RBFOX1: variants seen among roughly 807,000 people sequenced by gnomAD.
The protein encoded by RBFOX1 is RNA binding fox-1 homolog 1.
A neutral mutation model predicts 57.7 loss-of-function variants in RBFOX1; 8 were observed. The observed-to-expected ratio is 0.14, with a 90% CI of 0.08 to 0.25. The LOEUF is 0.25. Ranked by LOEUF, RBFOX1 falls within the 10% of genes least tolerant of loss-of-function variation. The probability of loss-of-function intolerance (pLI) is 1.00; values close to 1 mark genes in which losing one functional copy is unlikely to be tolerated. For missense variants in RBFOX1, 611 were observed against 548.5 expected, an observed-to-expected ratio of 1.11 and a Z score of -1.14; for synonymous variants, 326 against 222.4, an observed-to-expected ratio of 1.47 and a Z score of -4.15.
chr16:6,903,530 AAT>A (rs1427531140), intron 3 of RBFOX1, among the ~76,000 whole-genome samples: 2 of 152,182 alleles, frequency 1.3e-5, no homozygotes, highest in Non-Finnish European at 2.9e-5. Context: ...GAAGCACTTC[AAT>A]AGGATGTGAG....
chr16:5,862,169 T>C (rs891898011), intron 3 of RBFOX1, among the ~76,000 whole-genome samples: 1 of 152,194 alleles, frequency 6.6e-6, no homozygotes, highest in African/African-American at 2.4e-5. Flanking sequence ...GCTAGACTCC[T>C]TCAGGGTTTG....
chr16:6,421,206 G>C (rs1473828839), intron 2 of RBFOX1, among the ~76,000 whole-genome samples: 1 of 152,184 alleles, frequency 6.6e-6, no homozygotes, highest in Non-Finnish European at 1.5e-5. Context: ...CGTTGGTTGA[G>C]ATTACATCCT....
chr16:6,837,719 C>G (rs80003570), intron 3 of RBFOX1, among the ~76,000 whole-genome samples: 3,838 of 152,218 alleles, frequency 0.025, 156 homozygotes, highest in African/African-American at 0.087. Flanking sequence ...TGTGCAAGTT[C>G]AGATAAACAT....
intron 1 of RBFOX1, among the ~76,000 whole-genome samples, chr16:5,457,249 C>G (rs891452844): frequency 3.3e-5 from 5 of 152,292 alleles, no homozygotes; most frequent in African/African-American, 9.6e-5. Context: ...ATCCTCCTGC[C>G]TCAGCCTCCC....
intron 4 of RBFOX1, among the ~76,000 whole-genome samples, chr16:5,908,043 A>C (rs956963875): frequency 6.7e-6 from 1 of 148,772 alleles, no homozygotes; most frequent in Non-Finnish European, 1.5e-5. Context: ...GAGCCATAGC[A>C]CCTGGTAGAT....
At chr16:5,482,199 C>G (rs764604073) in intron 2 of RBFOX1, among the ~76,000 whole-genome samples, 1 of 152,140 alleles carries the variant, frequency 6.6e-6, no homozygotes, top group Non-Finnish European at 1.5e-5. Context: ...ACCTTTTGTT[C>G]CAGATGAGCC....
chr16:7,691,741 T>C (rs374545807), intron 14 of RBFOX1, among the ~76,000 whole-genome samples: 75 of 152,244 alleles, frequency 4.9e-4, no homozygotes, highest in African/African-American at 1.7e-3. Context: ...TTAGGGAAAA[T>C]TGCAGAAAGG....
chr16:5,508,081 A>G (rs539661333), intron 2 of RBFOX1, among the ~76,000 whole-genome samples: 1 of 152,192 alleles, frequency 6.6e-6, no homozygotes, highest in Non-Finnish European at 1.5e-5. Context: ...CCCCTCTGAC[A>G]TGCTAGTTTT....
intron 2 of RBFOX1, among the ~76,000 whole-genome samples, chr16:6,615,797 C>T (rs1347720198): frequency 6.6e-6 from 1 of 152,102 alleles, no homozygotes; most frequent in Non-Finnish European, 1.5e-5. Flanking sequence ...CCATTAACAG[C>T]AGATGGATGG....
At chr16:6,465,175 T>C (rs2095017042) in intron 2 of RBFOX1, among the ~76,000 whole-genome samples, 1 of 152,204 alleles carries the variant, frequency 6.6e-6, no homozygotes, top group Admixed American at 6.5e-5. Context: ...TTTTTACCCA[T>C]GCAAAGTGGT....
At chr16:6,156,103 C>T (rs1229323232) in intron 1 of RBFOX1, among the ~76,000 whole-genome samples, 5 of 152,178 alleles carry the variant, frequency 3.3e-5, no homozygotes, top group African/African-American at 7.2e-5. Context: ...CTTTGTTTAG[C>T]TAGGATTCAT....
intron 3 of RBFOX1, among the ~76,000 whole-genome samples, chr16:6,924,274 A>G (rs1405389884): frequency 1.3e-5 from 2 of 152,158 alleles, no homozygotes; most frequent in African/African-American, 4.8e-5. Flanking sequence ...CTGTGCAGTT[A>G]TGGCTCCAGC....
chr16:7,710,194 G>GA, intron 15 of RBFOX1: 1 of 1,029,146 alleles, frequency 9.7e-7, no homozygotes, highest in Non-Finnish European at 1.2e-6. Flanking sequence ...GTAAGAAGTA[G>GA]GTTGAGATTT....
intron 3 of RBFOX1, among the ~76,000 whole-genome samples, chr16:6,766,158 A>G (rs1452455103): frequency 6.6e-6 from 1 of 152,168 alleles, no homozygotes; most frequent in Non-Finnish European, 1.5e-5. Flanking sequence ...AAAAGAAAAA[A>G]AAGCAAAATT....
intron 3 of RBFOX1, among the ~76,000 whole-genome samples, chr16:7,046,255 T>TGTGTGC (rs966294074): frequency 1.3e-5 from 2 of 151,940 alleles, no homozygotes; most frequent in African/African-American, 4.8e-5. Flanking sequence ...TGTGTGTGTG[T>TGTGTGC]GTGTGTGTGT....
intron 3 of RBFOX1, among the ~76,000 whole-genome samples, chr16:7,011,470 T>A (rs1321133306): frequency 6.6e-6 from 1 of 152,124 alleles, no homozygotes; most frequent in Non-Finnish European, 1.5e-5. Flanking sequence ...TTGTTTGTTT[T>A]TGTTGTGTGT....
chr16:5,405,290 T>C (rs1050035350), intron 1 of RBFOX1, among the ~76,000 whole-genome samples: 25 of 152,206 alleles, frequency 1.6e-4, no homozygotes, highest in African/African-American at 6.0e-4. Context: ...CTGCATGTCA[T>C]GGAAAGGACC....
chr16:7,603,727 G>A (rs2095157754), intron 9 of RBFOX1, among the ~76,000 whole-genome samples: 1 of 152,128 alleles, frequency 6.6e-6, no homozygotes, highest in Non-Finnish European at 1.5e-5. Flanking sequence ...GAGAGACGGG[G>A]AAAGGGAAAA....
chr16:6,180,391 G>A (rs2097053714), intron 1 of RBFOX1, among the ~76,000 whole-genome samples: 1 of 151,106 alleles, frequency 6.6e-6, no homozygotes, highest in African/African-American at 2.4e-5. Context: ...TTTTATCTAG[G>A]TTATCTATTA....
Sources: allele counts gnomAD v4.1 joint callset (sites outside exome capture counted in the v4.1 genomes callset), GRCh38; gene constraint gnomAD v4.1.1; transcripts MANE v1.5; gene names NCBI Gene and HGNC (gene_info 2026-07-23, HGNC 2026-07-21).